TAPT1: variants seen among roughly 807,000 people sequenced by gnomAD.
TAPT1 encodes transmembrane anterior posterior transformation 1.
Under a neutral mutation model 65.6 loss-of-function variants are expected in TAPT1, and 28 were observed. The observed-to-expected ratio is 0.43, with a 90% CI of 0.32 to 0.59. The LOEUF (loss-of-function observed/expected upper bound fraction) is 0.59. Ranked by LOEUF, TAPT1 falls within the 20% of genes least tolerant of loss-of-function variation. The pLI, the probability that TAPT1 is intolerant of heterozygous loss-of-function variation, is 0.09. For missense variants in TAPT1, 563 were observed against 679.9 expected (o/e 0.83, Z 1.91); for synonymous variants, 278 against 245.2 (o/e 1.13, Z -1.25).
At position 16,177,582 on chromosome 4, in the gene TAPT1, A is replaced by G. The variant is rs1748416432; in HGVS notation, c.998-1354T>C. ...GCTACTAACTGCTATATGACCTTGG[A>G]CAAGTTTTTTTTTTAATCCACATCA... On this transcript the variant is annotated intron_variant, in intron 8 of 13. Coordinates refer to ENST00000405303, the MANE Select transcript of TAPT1 (RefSeq NM_153365.3). 2.6e-5 allele frequency among the ~76,000 whole-genome samples: 4 copies of G among 152,278 alleles called. No individual in the cohort carries two copies. The South Asian group carries it at 8.3e-4, about 32-fold the overall frequency.
At chr4:16,206,355 G>A (rs1344152547) in intron 2 of TAPT1, among the ~76,000 whole-genome samples, 2 of 152,164 alleles carry the variant, frequency 1.3e-5, no homozygotes, top group South Asian at 2.1e-4. Context: ...TATATTTTAA[G>A]CACGTGACCC....
chr4:16,196,413 T>C lies in TAPT1; in HGVS notation c.450-4890A>G, dbSNP rs138733314. Among the ~76,000 whole-genome samples the C allele has an allele frequency of 6.8e-3, 1,029 of 152,318 alleles. 6 individuals carry two copies. Among genetic ancestry groups the C allele is most frequent in the South Asian group, 0.032 (156 of 4,828 alleles). ...AGTATTTGCTAAGTCTAAGCTAACA[T>C]GTGTAAAGATGACTTTTGAGCGGAT... is the stretch of plus-strand genomic sequence containing the variant. On this transcript the variant is annotated intron_variant, in intron 3 of 13. Transcript: ENST00000405303.
At chr4:16,164,754 G>GT (rs1747473969) in intron 13 of TAPT1, among the ~76,000 whole-genome samples, 1 of 151,972 alleles carries the variant, frequency 6.6e-6, no homozygotes, top group Non-Finnish European at 1.5e-5. Context: ...ACTAATATGC[G>GT]TAACAAGAGA....
chr4:16,219,365 T>C (rs1274881274), intron 1 of TAPT1, among the ~76,000 whole-genome samples: 1 of 152,250 alleles, frequency 6.6e-6, no homozygotes, highest in Non-Finnish European at 1.5e-5. Context: ...GGCTGACTTC[T>C]GTGAAGCTAC....
chr4:16,177,820 T>A (rs200552244), intron 8 of TAPT1, among the ~76,000 whole-genome samples: 2 of 42,382 alleles, frequency 4.7e-5, no homozygotes, highest in African/African-American at 4.5e-4. Context: ...ACTTTGTTGG[T>A]TTTTTTTTTT....
At chr4:16,219,724 G>T (rs1416963719) in intron 1 of TAPT1, among the ~76,000 whole-genome samples, 1 of 152,098 alleles carries the variant, frequency 6.6e-6, no homozygotes, top group African/African-American at 2.4e-5. Flanking sequence ...TACAATTCTT[G>T]CAACAATCAT....
upstream of TAPT1, chr4:16,227,226 G>C (rs1751643545): frequency 4.4e-6 from 2 of 455,302 alleles, no homozygotes; most frequent in African/African-American, 2.0e-5. Flanking sequence ...AGAGTTTCAA[G>C]GGCTGGCGCG....
At chr4:16,178,790 T>C (rs1748515626) in intron 8 of TAPT1, 1 of 152,218 alleles carries the variant, frequency 6.6e-6, no homozygotes, top group Non-Finnish European at 1.5e-5. Flanking sequence ...AATTTCCACC[T>C]TACTTTATAT....
chr4:16,177,987 A>C (rs1748450554), intron 8 of TAPT1, among the ~76,000 whole-genome samples: 2 of 152,236 alleles, frequency 1.3e-5, no homozygotes, highest in Admixed American at 6.5e-5. Context: ...AGTATAAATG[A>C]GAATATGACT....
At chr4:16,208,298 G>C (rs1303819074) in intron 2 of TAPT1, among the ~76,000 whole-genome samples, 1 of 152,124 alleles carries the variant, frequency 6.6e-6, no homozygotes, top group Non-Finnish European at 1.5e-5. Flanking sequence ...TAATTTTCCA[G>C]AAAGAAAGCT....
At chr4:16,181,538 GA>G in intron 7 of TAPT1, among the ~76,000 whole-genome samples, 1 of 152,238 alleles carries the variant, frequency 6.6e-6, no homozygotes, top group Middle Eastern at 3.4e-3. Flanking sequence ...ATGAAAGGGG[GA>G]AAAACTTATC....
chr4:16,207,023 AG>A (rs1311452584), intron 2 of TAPT1, among the ~76,000 whole-genome samples: 2 of 152,144 alleles, frequency 1.3e-5, no homozygotes, highest in Non-Finnish European at 2.9e-5. Flanking sequence ...GAAGGGGAGA[AG>A]CACCAGCCAA....
intron 1 of TAPT1, among the ~76,000 whole-genome samples, chr4:16,223,182 C>G (rs1751354050): frequency 6.6e-6 from 1 of 152,126 alleles, no homozygotes; most frequent in African/African-American, 2.4e-5. Flanking sequence ...ATTCAACAAC[C>G]CAACCAAGCC....
chr4:16,192,095 G>A (rs1323358610), intron 3 of TAPT1, among the ~76,000 whole-genome samples: 2 of 152,206 alleles, frequency 1.3e-5, no homozygotes, highest in African/African-American at 2.4e-5. Context: ...TACATGCCAT[G>A]TCACATATAT....
At chr4:16,180,424 T>C (rs1164751940) in intron 7 of TAPT1, among the ~76,000 whole-genome samples, 1 of 152,212 alleles carries the variant, frequency 6.6e-6, no homozygotes, top group African/African-American at 2.4e-5. Context: ...TGTGTGCCGA[T>C]GCAATAGTGG....
Position 16,191,428 on chromosome 4 carries a change from G to T in TAPT1, c.545C>A (p.Ser182Tyr). Residue 182 changes from serine (S) to tyrosine (Y), a missense_variant, in exon 4 of 14, where the codon TCC (serine) becomes TAC (tyrosine). Coordinates refer to ENST00000405303, the MANE Select transcript of TAPT1 (RefSeq NM_153365.3). ...CYFMMHYVDY[S>Y]MMYHLIRGQS... is the part of the protein sequence containing the mutation. ...CCCCCTTATCAGGTGGTACATCATG[G>T]AGTAGTCAACATAGTGCATCATAAA... 6.3e-7 allele frequency: 1 copy of T among 1,592,534 alleles called. No individual in the cohort carries two copies. The highest frequency in any genetic ancestry group is 8.6e-7 in the Non-Finnish European group (1 of 1,169,164).
intron 1 of TAPT1, among the ~76,000 whole-genome samples, chr4:16,224,678 G>A (rs1751446460): frequency 6.6e-6 from 1 of 152,010 alleles, no homozygotes; most frequent in Admixed American, 6.5e-5. Flanking sequence ...TGCAACTATG[G>A]GTTAAAAAAA....
At chr4:16,194,083 C>A (rs1400720792) in intron 3 of TAPT1, among the ~76,000 whole-genome samples, 1 of 152,014 alleles carries the variant, frequency 6.6e-6, no homozygotes, top group South Asian at 2.1e-4. Flanking sequence ...CAAAGAACAA[C>A]GTGTTAGTAT....
intron 3 of TAPT1, among the ~76,000 whole-genome samples, chr4:16,193,168 G>A (rs1327303142): frequency 6.6e-6 from 1 of 152,184 alleles, no homozygotes; most frequent in Non-Finnish European, 1.5e-5. Flanking sequence ...AATTCTGAAA[G>A]CAGACAAATT....
Sources: allele counts gnomAD v4.1 joint callset (sites outside exome capture counted in the v4.1 genomes callset), GRCh38; gene constraint gnomAD v4.1.1; transcripts MANE v1.5; gene names NCBI Gene and HGNC (gene_info 2026-07-23, HGNC 2026-07-21).